SBF2: variants seen among roughly 807,000 people sequenced by gnomAD.
SBF2 encodes myotubularin-related protein 13.
In SBF2, 112 loss-of-function variants were observed where a neutral mutation model predicts 225.2. That is an observed-to-expected ratio of 0.50 (90% confidence interval 0.43 to 0.58). The LOEUF (loss-of-function observed/expected upper bound fraction) is 0.58. Among genes scored for constraint, SBF2 ranks in the 20% least tolerant of loss-of-function variants. The pLI is 0.00. For synonymous variants in SBF2, 763 were observed against 773.3 expected, an observed-to-expected ratio of 0.99 and a Z score of 0.22; for missense variants, 1,996 against 2,206.2, an observed-to-expected ratio of 0.90 and a Z score of 1.91.
At chr11:9,870,039 T>C (rs140818730) in intron 17 of SBF2, among the ~76,000 whole-genome samples, 20 of 152,194 alleles carry the variant, frequency 1.3e-4, no homozygotes, top group African/African-American at 4.8e-4. Flanking sequence ...CAAAAATCAG[T>C]AGCATTCCTA....
At position 9,998,043 on chromosome 11, in the gene SBF2, G is replaced by A. The variant is rs190696855; in HGVS notation, c.975+223C>T. 2.0e-5 allele frequency among the ~76,000 whole-genome samples: 3 copies of A among 152,264 alleles called. No individual in the cohort carries two copies. In the East Asian group the frequency reaches 5.8e-4, roughly 29 times the overall value. On this transcript the variant is annotated intron_variant, in intron 9 of 39. Transcript: ENST00000256190. Reference sequence around the variant, plus strand: ...GGTCCTGTATGCTGAATGAAGGAAGGAATGTAGAACAAATATTCAGTTAGG... The same window carrying A: ...GGTCCTGTATGCTGAATGAAGGAAGAAATGTAGAACAAATATTCAGTTAGG...
chr11:10,082,647 T>C (rs1675689841), intron 2 of SBF2, among the ~76,000 whole-genome samples: 1 of 152,160 alleles, frequency 6.6e-6, no homozygotes. Flanking sequence ...TATGATCATC[T>C]CAACAGATGC....
chr11:10,005,299 A>G (rs1948145038), intron 6 of SBF2, among the ~76,000 whole-genome samples: 1 of 152,202 alleles, frequency 6.6e-6, no homozygotes, highest in African/African-American at 2.4e-5. Flanking sequence ...CATGCGTACA[A>G]TTCCAGTAAA....
At chr11:9,979,035 T>A (rs1197046577) in intron 13 of SBF2, among the ~76,000 whole-genome samples, 1 of 152,224 alleles carries the variant, frequency 6.6e-6, no homozygotes, top group African/African-American at 2.4e-5. Flanking sequence ...AGTCAACTAC[T>A]GGAAACATCG....
chr11:10,247,911 A>G (rs1206651529), intron 1 of SBF2, among the ~76,000 whole-genome samples: 1 of 152,188 alleles, frequency 6.6e-6, no homozygotes, highest in African/African-American at 2.4e-5. Flanking sequence ...AAGAGGGTAG[A>G]ATGAACAGTC....
rs117773264 is a variant in SBF2 at position 10,076,717 on chromosome 11, G to A, written c.142-33736C>T. On this transcript the variant is annotated intron_variant, in intron 2 of 39. Coordinates refer to ENST00000256190, the MANE Select transcript of SBF2 (RefSeq NM_030962.4). The stretch of plus-strand genomic sequence containing the variant: ...GGCAGGTCCCACTACTGCCTGCTAG[G>A]CTGTGGAACCAAAACTACCCTTCTG... Among the ~76,000 whole-genome samples the A allele has an allele frequency of 4.8e-3, 726 of 152,346 alleles. 25 individuals are homozygous for A. In the East Asian group the frequency reaches 0.09, roughly 19 times the overall value.
At chr11:9,983,106 G>C (rs909765696) in intron 13 of SBF2, among the ~76,000 whole-genome samples, 2 of 152,218 alleles carry the variant, frequency 1.3e-5, no homozygotes, top group African/African-American at 4.8e-5. Context: ...CCGGGTTGCA[G>C]ACTTCACAGG....
chr11:10,303,319 A>ATCAGGG lies in SBF2; in HGVS notation n.386+1172_386+1173insCCCTGA, dbSNP rs1418037466. 1 of 152,288 alleles carries ATCAGGG rather than the reference A, an allele frequency of 6.6e-6. No homozygotes were observed. Among genetic ancestry groups the ATCAGGG allele is most frequent in the Non-Finnish European group, 1.5e-5 (1 of 68,118 alleles). The allele number at this position is 152,288 out of a possible 1,614,324, so 9.4% of individuals were successfully genotyped here. ...ACCAGGGCCAGGGTCAGGGCCCGGA[A>ATCAGGG]TCTGTCCTCCGTCCTCAGATGGAAT... On this transcript the variant is annotated intron_variant and non_coding_transcript_variant, in intron 1 of 5. Coordinates refer to the SBF2 transcript ENST00000685217. The surrounding 1 kb of genome is among the most constrained non-coding windows in gnomAD (Gnocchi z 5.2).
intron 6 of SBF2, among the ~76,000 whole-genome samples, chr11:10,023,236 A>T (rs1948926903): frequency 6.6e-6 from 1 of 152,142 alleles, no homozygotes; most frequent in Non-Finnish European, 1.5e-5. Context: ...GAATTCATGG[A>T]TCTTAAAATA....
In SBF2 at chr11:10,098,689, A is replaced by G. The variant is rs866041179; in HGVS notation, c.142-55708T>C. Reference sequence around the variant, plus strand: ...ACAAAGACAAAAAATGCACACACACACACACACACACACACACACACACAC... The same window carrying G: ...ACAAAGACAAAAAATGCACACACACGCACACACACACACACACACACACAC... On this transcript the variant is annotated intron_variant, in intron 2 of 39. Coordinates refer to ENST00000256190, the MANE Select transcript of SBF2 (RefSeq NM_030962.4). Among the ~76,000 whole-genome samples the G allele has an allele frequency of 1.7e-3, 245 of 147,244 alleles. 3 individuals are homozygous for G. The South Asian group carries it at 0.025, about 15-fold the overall frequency.
chr11:9,912,465 G>C (rs1239650408), intron 16 of SBF2, among the ~76,000 whole-genome samples: 1 of 140,866 alleles, frequency 7.1e-6, no homozygotes, highest in African/African-American at 2.7e-5. Flanking sequence ...GGTGCCTGTA[G>C]TCTCAGCTAC....
intron 2 of SBF2, among the ~76,000 whole-genome samples, chr11:10,089,309 T>C (rs936134155): frequency 2.0e-5 from 3 of 152,218 alleles, no homozygotes; most frequent in African/African-American, 7.2e-5. Context: ...TACCATCATA[T>C]ATGCAGCCCG....
intron 2 of SBF2, among the ~76,000 whole-genome samples, chr11:10,063,414 G>C (rs1338378730): frequency 6.6e-6 from 1 of 150,636 alleles, no homozygotes; most frequent in Non-Finnish European, 1.5e-5. Flanking sequence ...CTGGAGTGCA[G>C]TGGCGTGATC....
intron 2 of SBF2, among the ~76,000 whole-genome samples, chr11:10,064,472 A>G (rs1429624587): frequency 1.3e-5 from 2 of 152,198 alleles, no homozygotes; most frequent in South Asian, 2.1e-4. Flanking sequence ...GCCTAACCAT[A>G]TTAGTCATCA....
At chr11:10,077,898 G>A (rs1311057169) in intron 2 of SBF2, among the ~76,000 whole-genome samples, 1 of 151,982 alleles carries the variant, frequency 6.6e-6, no homozygotes, top group African/African-American at 2.4e-5. Flanking sequence ...TCTGACAAAG[G>A]GCTAATATCC....
chr11:9,901,732 C>T (rs1861732459), intron 16 of SBF2, among the ~76,000 whole-genome samples: 1 of 152,106 alleles, frequency 6.6e-6, no homozygotes, highest in South Asian at 2.1e-4. Context: ...GCAGCTGCGA[C>T]CTCCTGGGCT....
intron 2 of SBF2, among the ~76,000 whole-genome samples, chr11:10,107,587 T>C (rs970955121): frequency 6.6e-6 from 1 of 152,190 alleles, no homozygotes; most frequent in African/African-American, 2.4e-5. Context: ...CAGGATTGGT[T>C]CATTCTGGAA....
chr11:9,805,057 C>G (rs1164515643), intron 32 of SBF2, among the ~76,000 whole-genome samples: 1 of 152,112 alleles, frequency 6.6e-6, no homozygotes. Flanking sequence ...CTAGCCTGGA[C>G]AACATGGCAA....
At position 10,250,941 on chromosome 11, in the gene SBF2, T is replaced by G. The variant is rs545430190; in HGVS notation, c.55+43074A>C. Among the ~76,000 whole-genome samples, 15 of 152,352 alleles carry G rather than the reference T, an allele frequency of 9.8e-5. No individual in the cohort carries two copies. In the East Asian group the frequency reaches 2.9e-3, roughly 29 times the overall value. ...TCTCCCCAGAAGAAAATGGCATCCT[T>G]AATGTGAACAGCTTTTCCTAGGATC... On this transcript the variant is annotated intron_variant, in intron 1 of 39. Coordinates refer to ENST00000256190, the MANE Select transcript of SBF2 (RefSeq NM_030962.4).
Sources: allele counts gnomAD v4.1 joint callset (sites outside exome capture counted in the v4.1 genomes callset), GRCh38; gene constraint gnomAD v4.1.1; non-coding constraint Gnocchi (gnomAD v3.1); transcripts MANE v1.5; gene names NCBI Gene and HGNC (gene_info 2026-07-23, HGNC 2026-07-21).